Variants in CREB5 observed in about 807,000 individuals in gnomAD.
CREB5 encodes the protein cyclic AMP-responsive element-binding protein 5.
In CREB5, 19 loss-of-function variants were observed where a neutral mutation model predicts 57.1. The observed-to-expected ratio is 0.33, with a 90% CI of 0.23 to 0.49. The LOEUF is 0.49. Ranked by LOEUF, CREB5 falls within the 20% of genes least tolerant of loss-of-function variation. The probability of loss-of-function intolerance (pLI) is 0.99; values close to 1 mark genes in which losing one functional copy is unlikely to be tolerated. For synonymous variants in CREB5, 238 were observed against 238.3 expected, an observed-to-expected ratio of 1.00 and a Z score of 0.01; for missense variants, 579 against 671.6, an observed-to-expected ratio of 0.86 and a Z score of 1.52.
chr7:28,479,305 G>C (rs915799296), intron 1 of CREB5, among the ~76,000 whole-genome samples: 1 of 152,118 alleles, frequency 6.6e-6, no homozygotes, highest in Non-Finnish European at 1.5e-5. Context: ...CATATCCCAG[G>C]CCCCTTCCCA....
chr7:28,809,367 T>A lies in CREB5; in HGVS notation c.1207T>A (p.Leu403Met). ...RQKRKVWVMSLEKKAEELTQT... is the reference protein window; with the variant it reads ...RQKRKVWVMSMEKKAEELTQT... ...GAAGAGGAAGGTCTGGGTGATGTCA[T>A]TGGAAAAGAAAGCAGAAGAACTCAC... The change falls in exon 9 of 11, where the codon TTG becomes ATG. Residue 403 changes from leucine to methionine, a missense_variant. Leu to Met is a conservative substitution (Grantham distance 15). Coordinates refer to ENST00000357727, the MANE Select transcript of CREB5 (RefSeq NM_182898.4). 1 of 1,613,986 alleles carries A rather than the reference T, an allele frequency of 6.2e-7. No individual in the cohort carries two copies. The highest frequency in any genetic ancestry group is 8.5e-7 in the Non-Finnish European group (1 of 1,179,984).
chr7:28,743,845 T>C (rs1458403227), intron 7 of CREB5, among the ~76,000 whole-genome samples: 5 of 142,906 alleles, frequency 3.5e-5, no homozygotes, highest in East Asian at 2.1e-4. Flanking sequence ...TTTCTTTTTT[T>C]TTTTTTTTTT....
chr7:28,677,267 C>T (rs966346328), intron 5 of CREB5, among the ~76,000 whole-genome samples: 1 of 152,178 alleles, frequency 6.6e-6, no homozygotes, highest in South Asian at 2.1e-4. Context: ...CTATGGATCA[C>T]TAGCATCAAA....
At position 28,564,959 on chromosome 7, in the gene CREB5, A is replaced by G. The variant is rs1011307165; in HGVS notation, c.292-5406A>G. On this transcript the variant is annotated intron_variant, in intron 4 of 10. Coordinates refer to ENST00000357727, the MANE Select transcript of CREB5 (RefSeq NM_182898.4). The stretch of plus-strand genomic sequence containing the variant: ...ACTTGTGGAGTGTCACAGCTGGAAA[A>G]GATCATGAAGACCATGTGGTCCAGC... 2.0e-5 allele frequency among the ~76,000 whole-genome samples: 3 copies of G among 152,228 alleles called. 1 individual carries two copies. Among genetic ancestry groups the G allele is most frequent in the East Asian group, 3.8e-4 (2 of 5,200 alleles).
intron 1 of CREB5, among the ~76,000 whole-genome samples, chr7:28,338,482 C>T (rs2127988305): frequency 6.6e-6 from 1 of 152,288 alleles, no homozygotes; most frequent in Non-Finnish European, 1.5e-5. Flanking sequence ...GAAAAGTCTG[C>T]TGCCAGATGT....
intron 1 of CREB5, among the ~76,000 whole-genome samples, chr7:28,311,332 T>C (rs1314492100): frequency 6.6e-6 from 1 of 152,080 alleles, no homozygotes; most frequent in African/African-American, 2.4e-5. Context: ...TCTTGAGCCC[T>C]TAGGACCTAT....
intron 7 of CREB5, among the ~76,000 whole-genome samples, chr7:28,760,933 C>T (rs540768915): frequency 6.6e-6 from 1 of 152,200 alleles, no homozygotes; most frequent in East Asian, 1.9e-4. Flanking sequence ...ATTAATCTTC[C>T]ATAATATTTC....
chr7:28,612,512 A>T (rs1340555384), intron 5 of CREB5, among the ~76,000 whole-genome samples: 5 of 150,830 alleles, frequency 3.3e-5, no homozygotes, highest in Non-Finnish European at 7.4e-5. Context: ...ATCCTTCAAT[A>T]TTAAGTGTAT....
At position 28,305,964 on chromosome 7, in the gene CREB5, C is replaced by A. The variant is rs541832039; in HGVS notation, c.-25+6523C>A. 2.6e-5 allele frequency among the ~76,000 whole-genome samples: 4 copies of A among 151,950 alleles called. No homozygotes were observed. The East Asian group carries it at 7.7e-4, about 29-fold the overall frequency. On this transcript the variant is annotated intron_variant, in intron 1 of 9. Coordinates refer to the CREB5 transcript ENST00000396299. ...GTGCATTTACACATATGTGTATGGA[C>A]ACGTGTACAGATTTTAATTAGTTTT...
rs79173152 is a variant in CREB5, at chr7:28,465,486, G to A, written c.4-22689G>A. On this transcript the variant is annotated intron_variant, in intron 1 of 10. Transcript: ENST00000357727. The stretch of plus-strand genomic sequence containing the variant: ...TCACAGGTGTTTAGATTAATTCCAC[G>A]CAGTGCAGAGACCATCCCACAGTAC... Among the ~76,000 whole-genome samples the A allele has an allele frequency of 8.6e-3, 1,302 of 152,238 alleles. 18 individuals carry two copies. The highest frequency in any genetic ancestry group is 0.029 in the African/African-American group (1,211 of 41,536).
intron 5 of CREB5, among the ~76,000 whole-genome samples, chr7:28,674,364 G>C (rs1311397141): frequency 6.6e-6 from 1 of 152,156 alleles, no homozygotes; most frequent in Admixed American, 6.5e-5. Flanking sequence ...GTACTTTGGA[G>C]TCATCTGAAG....
At chr7:28,737,958 C>A (rs1203604578) in intron 7 of CREB5, among the ~76,000 whole-genome samples, 1 of 151,950 alleles carries the variant, frequency 6.6e-6, no homozygotes, top group African/African-American at 2.4e-5. Flanking sequence ...GAGCTCAGTG[C>A]AGTATATTTT....
intron 4 of CREB5, among the ~76,000 whole-genome samples, chr7:28,549,797 G>T (rs1487338981): frequency 6.6e-6 from 1 of 152,138 alleles, no homozygotes; most frequent in Non-Finnish European, 1.5e-5. Flanking sequence ...GGGGGAAAAA[G>T]AATGCTATTT....
At chr7:28,658,636 G>A (rs1799428995) in intron 5 of CREB5, among the ~76,000 whole-genome samples, 1 of 152,104 alleles carries the variant, frequency 6.6e-6, no homozygotes, top group Non-Finnish European at 1.5e-5. Flanking sequence ...CTGAGGCCTG[G>A]CCAAGTGGCC....
At chr7:28,590,303 A>C (rs1305822228) in intron 5 of CREB5, among the ~76,000 whole-genome samples, 1 of 152,130 alleles carries the variant, frequency 6.6e-6, no homozygotes, top group African/African-American at 2.4e-5. Flanking sequence ...CATAGACTGG[A>C]TTAAGAAAAT....
chr7:28,602,409 C>T (rs909023109), intron 5 of CREB5, among the ~76,000 whole-genome samples: 1 of 152,094 alleles, frequency 6.6e-6, no homozygotes, highest in African/African-American at 2.4e-5. Context: ...TTACAGTGGA[C>T]TATTTTAAAA....
chr7:28,479,015 C>G (rs1462575268), intron 1 of CREB5, among the ~76,000 whole-genome samples: 1 of 152,162 alleles, frequency 6.6e-6, no homozygotes, highest in Non-Finnish European at 1.5e-5. Flanking sequence ...CTTAACTTTG[C>G]CCGAGTTTTT....
At chr7:28,772,392 C>T (rs1806375862) in intron 7 of CREB5, among the ~76,000 whole-genome samples, 1 of 152,144 alleles carries the variant, frequency 6.6e-6, no homozygotes, top group Non-Finnish European at 1.5e-5. Context: ...CCAGGTGGAA[C>T]GGGGAGCCCA....
chr7:28,686,373 C>T (rs540144371), intron 5 of CREB5, among the ~76,000 whole-genome samples: 3 of 152,054 alleles, frequency 2.0e-5, no homozygotes, highest in East Asian at 3.9e-4. Context: ...CCAGCCCCTC[C>T]GCTCCTCTTC....
Sources: gnomAD v4.1 joint callset for allele counts (sites outside exome capture counted in the v4.1 genomes callset) on GRCh38, gnomAD v4.1.1 for gene constraint, MANE v1.5 for transcripts, NCBI Gene and HGNC (gene_info 2026-07-23, HGNC 2026-07-21) for gene names.